RALYL: variants seen among roughly 807,000 people sequenced by gnomAD.
RALYL encodes the protein RNA-binding Raly-like protein.
In RALYL, 29 loss-of-function variants were observed where a neutral mutation model predicts 35.1. The observed-to-expected ratio is 0.83, with a 90% CI of 0.61 to 1.13. The LOEUF (loss-of-function observed/expected upper bound fraction) is 1.13, where lower values mean the gene tolerates loss of function less well. RALYL is among the 50% of genes most tolerant of loss of function. The pLI is 0.00. For synonymous variants in RALYL, 120 were observed against 127.6 expected, an observed-to-expected ratio of 0.94 and a Z score of 0.40; for missense variants, 359 against 360.4, an observed-to-expected ratio of 1.00 and a Z score of 0.03.
chr8:84,589,063 A>AATTTTTGT (rs1812636358), intron 2 of RALYL, among the ~76,000 whole-genome samples: 1 of 151,818 alleles, frequency 6.6e-6, no homozygotes. Context: ...ACGCCCAGCT[A>AATTTTTGT]ATTTTTGTAT....
chr8:84,872,032 T>C (rs892520719), intron 6 of RALYL, among the ~76,000 whole-genome samples: 10 of 152,120 alleles, frequency 6.6e-5, no homozygotes, highest in African/African-American at 2.4e-4. Flanking sequence ...TAGTCTGAGA[T>C]TATTAGAAAC....
chr8:84,650,375 G>GA (rs902335859), intron 2 of RALYL, among the ~76,000 whole-genome samples: 2 of 151,618 alleles, frequency 1.3e-5, no homozygotes, highest in African/African-American at 4.8e-5. Context: ...AAATTTACAA[G>GA]AAAAAAACAA....
intron 1 of RALYL, among the ~76,000 whole-genome samples, chr8:84,376,845 G>A (rs928160315): frequency 1.3e-5 from 2 of 151,670 alleles, no homozygotes; most frequent in Admixed American, 6.6e-5. Flanking sequence ...CATTCACTCC[G>A]GCAAAGGAGA....
At chr8:84,535,045 C>T (rs2059505773) in intron 2 of RALYL, among the ~76,000 whole-genome samples, 1 of 152,132 alleles carries the variant, frequency 6.6e-6, no homozygotes, top group Non-Finnish European at 1.5e-5. Context: ...GTCATCCTTT[C>T]ATAGTTTTCT....
chr8:84,633,891 G>A (rs1482981181), intron 2 of RALYL, among the ~76,000 whole-genome samples: 5 of 151,816 alleles, frequency 3.3e-5, no homozygotes, highest in Non-Finnish European at 7.4e-5. Flanking sequence ...TTTGGCTTGG[G>A]AAAAGATACT....
chr8:84,539,878 GTATATA>G (rs371459024), intron 2 of RALYL, among the ~76,000 whole-genome samples: 1,725 of 75,138 alleles, frequency 0.023, 39 homozygotes, highest in South Asian at 0.043. Context: ...ATATATATAT[GTATATA>G]TATGTGTGTG....
chr8:84,531,143 C>T (rs2059252014), intron 2 of RALYL, among the ~76,000 whole-genome samples: 1 of 152,058 alleles, frequency 6.6e-6, no homozygotes, highest in Non-Finnish European at 1.5e-5. Context: ...ATAATCTTAC[C>T]TGTGTCATGA....
At chr8:84,269,739 A>G (rs1241520648) in intron 1 of RALYL, among the ~76,000 whole-genome samples, 1 of 152,112 alleles carries the variant, frequency 6.6e-6, no homozygotes, top group African/African-American at 2.4e-5. Flanking sequence ...ATGTATGGTT[A>G]ATATTTTTTC....
At chr8:84,897,869 T>C (rs1845009197) in intron 8 of RALYL, among the ~76,000 whole-genome samples, 1 of 152,168 alleles carries the variant, frequency 6.6e-6, no homozygotes, top group African/African-American at 2.4e-5. Context: ...AGAGAAGATG[T>C]TGCAACCAGA....
At chr8:84,448,434 TAAA>T (rs1563948755) in intron 1 of RALYL, among the ~76,000 whole-genome samples, 2 of 152,058 alleles carry the variant, frequency 1.3e-5, no homozygotes, top group African/African-American at 2.4e-5. Flanking sequence ...TGTTAGTTTT[TAAA>T]AAGATACCTA....
chr8:84,574,241 G>T (rs897351794), intron 2 of RALYL, among the ~76,000 whole-genome samples: 1 of 151,794 alleles, frequency 6.6e-6, no homozygotes, highest in South Asian at 2.1e-4. Context: ...TTAATTCCTT[G>T]GTTGTTCAAA....
intron 2 of RALYL, among the ~76,000 whole-genome samples, chr8:84,540,709 C>T (rs2059965040): frequency 6.6e-6 from 1 of 151,824 alleles, no homozygotes; most frequent in Non-Finnish European, 1.5e-5. Context: ...TCCTACTTTT[C>T]CTGTTATCTG....
At chr8:84,330,665 G>T (rs569533280) in intron 1 of RALYL, among the ~76,000 whole-genome samples, 10 of 151,968 alleles carry the variant, frequency 6.6e-5, no homozygotes, top group African/African-American at 2.4e-4. Context: ...ATCTTTGAAG[G>T]CCTGTTATCC....
At chr8:84,367,164 C>A (rs1439564729) in intron 1 of RALYL, among the ~76,000 whole-genome samples, 1 of 131,204 alleles carries the variant, frequency 7.6e-6, no homozygotes, top group Non-Finnish European at 1.6e-5. Context: ...GAGATGGAAT[C>A]TCACTCTGTC....
intron 2 of RALYL, among the ~76,000 whole-genome samples, chr8:84,624,834 G>A (rs1822373200): frequency 6.6e-6 from 1 of 152,150 alleles, no homozygotes; most frequent in East Asian, 1.9e-4. Flanking sequence ...GAATAATCCT[G>A]TCAGATGTTT....
At chr8:84,682,173 C>T (rs2132000713) in intron 2 of RALYL, among the ~76,000 whole-genome samples, 1 of 152,288 alleles carries the variant, frequency 6.6e-6, no homozygotes, top group Non-Finnish European at 1.5e-5. Flanking sequence ...ACCAGCCTTG[C>T]ATCCCAGGGA....
At chr8:84,651,928 G>T (rs1388191036) in intron 2 of RALYL, among the ~76,000 whole-genome samples, 2 of 151,948 alleles carry the variant, frequency 1.3e-5, no homozygotes, top group African/African-American at 2.4e-5. Flanking sequence ...TCTTGAATCT[G>T]AGAAAATGAG....
At chr8:84,662,906 G>A (rs1486696862) in intron 2 of RALYL, among the ~76,000 whole-genome samples, 1 of 152,032 alleles carries the variant, frequency 6.6e-6, no homozygotes, top group Non-Finnish European at 1.5e-5. Context: ...GTGTGCCATG[G>A]TGATTAGCTG....
At chr8:84,859,793 T>C (rs1837766233) in intron 5 of RALYL, among the ~76,000 whole-genome samples, 1 of 152,016 alleles carries the variant, frequency 6.6e-6, no homozygotes, top group South Asian at 2.1e-4. Flanking sequence ...GAGGTTGCAG[T>C]GAGGTCACAC....
Sources: gnomAD v4.1 joint callset for allele counts (sites outside exome capture counted in the v4.1 genomes callset) on GRCh38, gnomAD v4.1.1 for gene constraint, MANE v1.5 for transcripts, NCBI Gene and HGNC (gene_info 2026-07-23, HGNC 2026-07-21) for gene names.